Variants in CUX2 observed in about 807,000 individuals in gnomAD.
CUX2 encodes cut like homeobox 2.
CUX2 carries 40 observed loss-of-function variants against 144.8 expected under a neutral mutation model. That is an observed-to-expected ratio of 0.28 (90% CI 0.21 to 0.36). The LOEUF (loss-of-function observed/expected upper bound fraction) is 0.36, where lower values mean the gene tolerates loss of function less well. Ranked by LOEUF, CUX2 falls within the 10% of genes least tolerant of loss-of-function variation. CUX2 has a pLI of 1.00. For missense variants in CUX2, 1,615 were observed against 1,994.0 expected (o/e 0.81, Z 3.62); for synonymous variants, 827 against 875.6 (o/e 0.94, Z 0.98).
At chr12:111,337,663 C>T (rs986986382) in intron 19 of CUX2, among the ~76,000 whole-genome samples, 2 of 152,184 alleles carry the variant, frequency 1.3e-5, no homozygotes, top group East Asian at 1.9e-4. Context: ...TCCTCCAACA[C>T]GGTGATACAA....
At chr12:111,233,261 G>A (rs985481136) in intron 3 of CUX2, among the ~76,000 whole-genome samples, 2 of 152,122 alleles carry the variant, frequency 1.3e-5, no homozygotes, top group African/African-American at 4.8e-5. Context: ...TGAGCCAGGT[G>A]TCTCTGGCTC....
At chr12:111,125,031 C>T (rs772125492) in intron 1 of CUX2, among the ~76,000 whole-genome samples, 11 of 152,148 alleles carry the variant, frequency 7.2e-5, no homozygotes, top group Non-Finnish European at 1.0e-4. Context: ...AGGAGAAGTC[C>T]GGAGAAGAAC....
At chr12:111,111,917 C>T (rs549633530) in intron 1 of CUX2, among the ~76,000 whole-genome samples, 5 of 152,152 alleles carry the variant, frequency 3.3e-5, no homozygotes, top group South Asian at 2.1e-4. Context: ...GGTTCTCCCA[C>T]GGGGCTTCTC....
intron 1 of CUX2, among the ~76,000 whole-genome samples, chr12:111,116,745 T>C (rs560110052): frequency 6.6e-6 from 1 of 152,254 alleles, no homozygotes; most frequent in East Asian, 1.9e-4. Flanking sequence ...AGAAACTCAA[T>C]TGGAATTCCT....
At position 111,330,686 on chromosome 12, in the gene CUX2, CAT is replaced by C. The variant is rs57018141; in HGVS notation, c.2927-3691_2927-3690del. On this transcript the variant is annotated intron_variant, in intron 18 of 21. Coordinates refer to ENST00000261726, the MANE Select transcript of CUX2 (RefSeq NM_015267.4). ...CTATCTCTATTTAAAAATACATATA[CAT>C]ATATATATATATATATATATATATA... Among the ~76,000 whole-genome samples, 105 of 59,272 alleles carry C rather than the reference CAT, an allele frequency of 1.8e-3. 9 individuals carry two copies. The East Asian group carries it at 0.021, about 12-fold the overall frequency. 38.9% of individuals were successfully genotyped at this position (59,272 alleles called of 152,430 possible).
intron 1 of CUX2, chr12:111,099,744 A>G: frequency 2.2e-6 from 1 of 454,380 alleles, no homozygotes. Context: ...TGGGGCCTGC[A>G]CGGATGGTGT....
intron 1 of CUX2, among the ~76,000 whole-genome samples, chr12:111,072,698 T>A (rs1411547810): frequency 6.6e-6 from 1 of 152,244 alleles, no homozygotes; most frequent in Non-Finnish European, 1.5e-5. Context: ...AAATACCTGA[T>A]TACTGGCTGA....
rs145527782 is a variant in CUX2 at position 111,213,036 on chromosome 12, A to G, written c.64-1164A>G. Among the ~76,000 whole-genome samples, 20 of 152,366 alleles carry G rather than the reference A, an allele frequency of 1.3e-4. No homozygotes were observed. In the East Asian group the frequency reaches 1.3e-3, roughly 10 times the overall value. ...AACACGGTGCCGGGCCTCATCATACATATGTTAGATTAAAGAGTTCACCCT... is the reference window on the plus strand; with the variant it reads ...AACACGGTGCCGGGCCTCATCATACGTATGTTAGATTAAAGAGTTCACCCT... On this transcript the variant is annotated intron_variant, in intron 1 of 21. Coordinates refer to ENST00000261726, the MANE Select transcript of CUX2 (RefSeq NM_015267.4).
At chr12:111,145,588 G>C (rs1876615816) in intron 1 of CUX2, among the ~76,000 whole-genome samples, 1 of 152,056 alleles carries the variant, frequency 6.6e-6, no homozygotes, top group Admixed American at 6.6e-5. Context: ...GGCTGGTCTT[G>C]AATTCCTAGC....
In CUX2 at chr12:111,307,293, G is replaced by A; in HGVS notation, c.1109+36G>A. On this transcript the variant is annotated intron_variant, in intron 12 of 21. Transcript: ENST00000261726. The surrounding 1 kb of genome is among the most constrained non-coding windows in gnomAD (Gnocchi z 4.1). Reference sequence around the variant, plus strand: ...GGGTGGGGCTCCACAGACCCTCAGTGCTCTTCCCTGGCCAGGAGCTCTTGG... The same window carrying A: ...GGGTGGGGCTCCACAGACCCTCAGTACTCTTCCCTGGCCAGGAGCTCTTGG... 6.3e-7 allele frequency: 1 copy of A among 1,598,782 alleles called. No individual in the cohort carries two copies. Among genetic ancestry groups the A allele is most frequent in the Non-Finnish European group, 8.6e-7 (1 of 1,167,844 alleles).
chr12:111,310,232 C>G lies in CUX2; in HGVS notation c.1450C>G (p.Leu484Val). Reference protein sequence around the residue: ...RTFSLSPFPSLASGERLMMPP... With the variant: ...RTFSLSPFPSVASGERLMMPP... Reference sequence around the variant, plus strand: ...TTTCTCGCTGTCCCCCTTCCCCAGCCTGGCATCAGGGGAGAGACTGATGAT... The same window carrying G: ...TTTCTCGCTGTCCCCCTTCCCCAGCGTGGCATCAGGGGAGAGACTGATGAT... The change falls in exon 15 of 22, where the codon CTG (leucine) becomes GTG (valine). Residue 484 changes from leucine (L) to valine (V), a missense_variant. Coordinates refer to ENST00000261726, the MANE Select transcript of CUX2 (RefSeq NM_015267.4). The surrounding 1 kb of genome is among the most constrained non-coding windows in gnomAD (Gnocchi z 7.9). 2 of 1,508,884 alleles carry G rather than the reference C, an allele frequency of 1.3e-6. No homozygotes were observed. The highest frequency in any genetic ancestry group is 1.8e-6 in the Non-Finnish European group (2 of 1,128,886). 93.5% of individuals were successfully genotyped at this position (1,508,884 alleles called of 1,614,324 possible). A position where few individuals can be genotyped will look rare whatever the true frequency, so the allele number is the denominator to read the frequency against.
intron 1 of CUX2, among the ~76,000 whole-genome samples, chr12:111,163,397 A>G (rs1877910449): frequency 6.6e-6 from 1 of 152,208 alleles, no homozygotes; most frequent in South Asian, 2.1e-4. Flanking sequence ...ACCTCAATGA[A>G]TAGATGTGGT....
intron 1 of CUX2, among the ~76,000 whole-genome samples, chr12:111,046,295 C>T (rs1869992075): frequency 6.6e-6 from 1 of 152,258 alleles, no homozygotes; most frequent in Non-Finnish European, 1.5e-5. Flanking sequence ...CCAGTGCAGG[C>T]CTGGGATTTC....
rs78959520 is a variant in CUX2 at position 111,212,299 on chromosome 12, T to G, written c.64-1901T>G. ...GCTTAATCCTGATAAAAACCGGGCTTTTAAACTGGAAGCCCCCATGTACTT... is the reference window on the plus strand; with the variant it reads ...GCTTAATCCTGATAAAAACCGGGCTGTTAAACTGGAAGCCCCCATGTACTT... On this transcript the variant is annotated intron_variant, in intron 1 of 21. Coordinates refer to ENST00000261726, the MANE Select transcript of CUX2 (RefSeq NM_015267.4). Among the ~76,000 whole-genome samples the G allele has an allele frequency of 6.6e-3, 1,004 of 152,338 alleles. 5 individuals carry two copies. Among genetic ancestry groups the G allele is most frequent in the South Asian group, 0.014 (68 of 4,826 alleles).
intron 1 of CUX2, among the ~76,000 whole-genome samples, chr12:111,185,753 G>C (rs1410852002): frequency 6.6e-6 from 1 of 152,208 alleles, no homozygotes; most frequent in East Asian, 1.9e-4. Flanking sequence ...TACAGTCACA[G>C]CTCTTCTAAT....
intron 1 of CUX2, among the ~76,000 whole-genome samples, chr12:111,149,037 AC>A (rs1253514978): frequency 6.6e-6 from 1 of 152,142 alleles, no homozygotes; most frequent in Non-Finnish European, 1.5e-5. Flanking sequence ...AAGGACACTT[AC>A]CTACACAAAC....
intron 1 of CUX2, among the ~76,000 whole-genome samples, chr12:111,069,842 G>A (rs1340936383): frequency 1.3e-5 from 2 of 152,078 alleles, no homozygotes; most frequent in Admixed American, 6.6e-5. Flanking sequence ...TGAAGTCCTG[G>A]GGGTTAGGAC....
chr12:111,257,320 TCC>T (rs1225821613), intron 3 of CUX2, among the ~76,000 whole-genome samples: 1 of 118,788 alleles, frequency 8.4e-6, no homozygotes, highest in Non-Finnish European at 1.7e-5. Context: ...TTCCTCCTCC[TCC>T]CTCTTCCTCC....
At chr12:111,088,997 T>C (rs1415814684) in intron 1 of CUX2, among the ~76,000 whole-genome samples, 1 of 152,122 alleles carries the variant, frequency 6.6e-6, no homozygotes, top group Non-Finnish European at 1.5e-5. Flanking sequence ...CTCCACTAGG[T>C]TTGCCTTATC....
Sources: allele counts gnomAD v4.1 joint callset (sites outside exome capture counted in the v4.1 genomes callset), GRCh38; gene constraint gnomAD v4.1.1; non-coding constraint Gnocchi (gnomAD v3.1); transcripts MANE v1.5; gene names NCBI Gene and HGNC (gene_info 2026-07-23, HGNC 2026-07-21).